Variants in SPIDR observed in about 807,000 individuals in gnomAD.
The protein encoded by SPIDR is scaffold protein involved in DNA repair.
Under a neutral mutation model 104.6 loss-of-function variants are expected in SPIDR, and 93 were observed. The ratio of observed to expected loss-of-function variants is 0.89; its 90% CI spans 0.75 to 1.06. The LOEUF (loss-of-function observed/expected upper bound fraction) is 1.06. SPIDR is among the 50% of genes least tolerant of loss of function. SPIDR has a pLI of 0.00. For missense variants in SPIDR, 1,154 were observed against 1,111.2 expected (o/e 1.04, Z -0.55); for synonymous variants, 431 against 416.9 (o/e 1.03, Z -0.41).
At chr8:47,713,329 G>A (rs2082129835) in intron 15 of SPIDR, 160 bp from the exon 16 acceptor site, 10 of 973,030 alleles carry the variant, frequency 1.0e-5, no homozygotes, top group Middle Eastern at 3.4e-4. Context: ...TAGCTCATGG[G>A]GTTCAGGAGT....
At chr8:47,348,934 T>G (rs1319667578) in intron 5 of SPIDR, among the ~76,000 whole-genome samples, 5 of 152,220 alleles carry the variant, frequency 3.3e-5, no homozygotes, top group African/African-American at 4.8e-5. Flanking sequence ...TTACCGATAT[T>G]CTGAAGCCTA....
At chr8:47,295,552 T>G (rs1333698455) in intron 5 of SPIDR, among the ~76,000 whole-genome samples, 3 of 152,194 alleles carry the variant, frequency 2.0e-5, no homozygotes, top group African/African-American at 7.2e-5. Context: ...AAGATCATGC[T>G]GTATTTGTCT....
At chr8:47,703,835 T>C (rs966814075) in intron 14 of SPIDR, among the ~76,000 whole-genome samples, 5 of 152,132 alleles carry the variant, frequency 3.3e-5, no homozygotes, top group African/African-American at 7.2e-5. Flanking sequence ...TGTCTCCTGG[T>C]GTCCCGTAGG....
At chr8:47,385,356 C>T (rs1588016900) in intron 5 of SPIDR, among the ~76,000 whole-genome samples, 2 of 152,106 alleles carry the variant, frequency 1.3e-5, no homozygotes, top group Non-Finnish European at 2.9e-5. Flanking sequence ...ATGATATTTT[C>T]TTGTATAAAT....
At chr8:47,523,927 G>A (rs2084586058) in intron 8 of SPIDR, among the ~76,000 whole-genome samples, 2 of 152,180 alleles carry the variant, frequency 1.3e-5, no homozygotes, top group South Asian at 4.1e-4. Context: ...GAGGTGAGGA[G>A]ATGGCAGTTT....
At chr8:47,647,380 C>T (rs879394797) in intron 10 of SPIDR, among the ~76,000 whole-genome samples, 4 of 152,056 alleles carry the variant, frequency 2.6e-5, no homozygotes, top group African/African-American at 7.2e-5. Flanking sequence ...TTTGGGAGGC[C>T]GAGGTGGGTG....
intron 5 of SPIDR, among the ~76,000 whole-genome samples, chr8:47,307,632 G>A (rs782591613): frequency 2.1e-5 from 3 of 139,852 alleles, no homozygotes; most frequent in South Asian, 2.5e-4. Flanking sequence ...TCTGCCTCCC[G>A]GGTTCAAGCG....
At chr8:47,619,330 A>C (rs147848588) in intron 10 of SPIDR, among the ~76,000 whole-genome samples, 4,432 of 152,278 alleles carry the variant, frequency 0.029, 88 homozygotes, top group South Asian at 0.046. Context: ...GAATCATGGA[A>C]TCTTAAGAGT....
chr8:47,563,587 C>T (rs917713917), intron 8 of SPIDR, among the ~76,000 whole-genome samples: 2 of 152,144 alleles, frequency 1.3e-5, no homozygotes, highest in Non-Finnish European at 2.9e-5. Context: ...GTGCCCCTAT[C>T]GACTGTCACA....
chr8:47,403,149 C>T (rs2062156673), intron 6 of SPIDR, among the ~76,000 whole-genome samples: 1 of 152,070 alleles, frequency 6.6e-6, no homozygotes, highest in Non-Finnish European at 1.5e-5. Flanking sequence ...GACAAAATTG[C>T]AACAGCCCTT....
rs1052775145 is a variant in SPIDR, at chr8:47,701,051, G to T, written c.1773+561G>T. On this transcript the variant is annotated intron_variant, in intron 12 of 19. Coordinates refer to ENST00000297423, the MANE Select transcript of SPIDR (RefSeq NM_001080394.4). ...AGCCAGCTGCTGCTTTGGGCCAGAG[G>T]TCCCAAAACAAAACTGGGGCTGTCT... Among the ~76,000 whole-genome samples, 23 of 152,150 alleles carry T rather than the reference G, an allele frequency of 1.5e-4. 2 individuals carry two copies. Among genetic ancestry groups the T allele is most frequent in the Non-Finnish European group, 1.5e-5 (1 of 68,016 alleles).
chr8:47,455,368 T>C (rs1387757651), intron 8 of SPIDR, among the ~76,000 whole-genome samples: 1 of 151,642 alleles, frequency 6.6e-6, no homozygotes, highest in South Asian at 2.1e-4. Context: ...ATAACTAATA[T>C]AGAGAATGGG....
At chr8:47,727,937 C>T (rs887021252) in intron 17 of SPIDR, among the ~76,000 whole-genome samples, 27 of 151,720 alleles carry the variant, frequency 1.8e-4, no homozygotes, top group African/African-American at 6.5e-4. Context: ...GCCAACATGG[C>T]AAAACCCAGT....
intron 6 of SPIDR, among the ~76,000 whole-genome samples, chr8:47,404,700 A>C (rs1387722508): frequency 1.3e-5 from 2 of 152,114 alleles, no homozygotes; most frequent in Non-Finnish European, 1.5e-5. Context: ...GTCAGGAAAC[A>C]ACGGGTGCTG....
At chr8:47,299,990 C>G (rs1395377503) in intron 5 of SPIDR, among the ~76,000 whole-genome samples, 1 of 152,170 alleles carries the variant, frequency 6.6e-6, no homozygotes, top group Non-Finnish European at 1.5e-5. Flanking sequence ...AGGATTTCCT[C>G]TTTTTCTATT....
At chr8:47,730,739 C>G (rs758568780) in intron 19 of SPIDR, among the ~76,000 whole-genome samples, 1 of 152,188 alleles carries the variant, frequency 6.6e-6, no homozygotes, top group African/African-American at 2.4e-5. Context: ...GTGACTTGAC[C>G]TGTCCTATGG....
At chr8:47,674,515 G>T (rs1464531679) in intron 11 of SPIDR, among the ~76,000 whole-genome samples, 1 of 151,930 alleles carries the variant, frequency 6.6e-6, no homozygotes, top group Non-Finnish European at 1.5e-5. Flanking sequence ...AAAAAAAAAA[G>T]AAACATTTTT....
intron 5 of SPIDR, among the ~76,000 whole-genome samples, chr8:47,311,574 T>C (rs1396765015): frequency 6.6e-6 from 1 of 152,142 alleles, no homozygotes; most frequent in Non-Finnish European, 1.5e-5. Flanking sequence ...ATGCCAACAC[T>C]TGGGGAGGCC....
intron 4 of SPIDR, among the ~76,000 whole-genome samples, chr8:47,292,275 G>A (rs1474022902): frequency 6.6e-6 from 1 of 152,252 alleles, no homozygotes; most frequent in East Asian, 1.9e-4. Context: ...AGCTTCTCGG[G>A]AGGGTAGTTA....
Sources: gnomAD v4.1 joint callset for allele counts (sites outside exome capture counted in the v4.1 genomes callset) on GRCh38, gnomAD v4.1.1 for gene constraint, MANE v1.5 for transcripts, NCBI Gene and HGNC (gene_info 2026-07-23, HGNC 2026-07-21) for gene names.